The following LPCAT2 variants were observed in gnomAD, a reference collection of about 807,000 sequenced individuals.
LPCAT2 encodes the protein 1-AGP acyltransferase 11.
In LPCAT2, 58 loss-of-function variants were observed where a neutral mutation model predicts 64.7. The observed-to-expected ratio is 0.90, with a 90% CI of 0.73 to 1.12. LPCAT2 has a LOEUF of 1.12. Ranked by LOEUF, LPCAT2 falls within the 50% of genes most tolerant of loss-of-function variation. LPCAT2 has a pLI of 0.00. For missense variants in LPCAT2, 579 were observed against 669.8 expected, an observed-to-expected ratio of 0.86 and a Z score of 1.50; for synonymous variants, 252 against 245.3, an observed-to-expected ratio of 1.03 and a Z score of -0.26.
In LPCAT2 at chr16:55,575,536, C is replaced by T. The variant is rs528488849; in HGVS notation, c.1314+807C>T. The stretch of plus-strand genomic sequence containing the variant: ...TATATTGGCTCTTGTTGTACAGCCA[C>T]GTAGTTTCCTTGCTTTTGTCCAGCA... On this transcript the variant is annotated intron_variant, in intron 12 of 13. Coordinates refer to ENST00000262134, the MANE Select transcript of LPCAT2 (RefSeq NM_017839.5). Among the ~76,000 whole-genome samples, 12 of 152,238 alleles carry T rather than the reference C, an allele frequency of 7.9e-5. No homozygotes were observed. The South Asian group carries it at 2.1e-3, about 26-fold the overall frequency.
chr16:55,530,922 T>C (rs1369660702), intron 4 of LPCAT2, among the ~76,000 whole-genome samples: 1 of 152,162 alleles, frequency 6.6e-6, no homozygotes, highest in Admixed American at 6.5e-5. Context: ...ACCACTATTG[T>C]AGAAAGAAAT....
At chr16:55,554,985 C>G (rs1049623394) in intron 11 of LPCAT2, among the ~76,000 whole-genome samples, 1 of 152,062 alleles carries the variant, frequency 6.6e-6, no homozygotes, top group East Asian at 1.9e-4. Flanking sequence ...GTTTGTAGTG[C>G]TCCAAAACAA....
intron 2 of LPCAT2, among the ~76,000 whole-genome samples, chr16:55,526,699 C>G (rs976024164): frequency 1.3e-5 from 2 of 152,044 alleles, no homozygotes; most frequent in Non-Finnish European, 2.9e-5. Context: ...GTTTTTATGA[C>G]TCACCAATTC....
intron 4 of LPCAT2, 128 bp from the exon 5 acceptor site, chr16:55,531,786 A>G (rs1329035574): frequency 4.6e-6 from 3 of 647,128 alleles, no homozygotes; most frequent in East Asian, 2.8e-5. Context: ...ATTAGAATCA[A>G]ATGTTAGCCT....
chr16:55,528,894 G>T (rs1963213082), intron 3 of LPCAT2, among the ~76,000 whole-genome samples: 1 of 152,116 alleles, frequency 6.6e-6, no homozygotes, highest in Admixed American at 6.6e-5. Context: ...TGATTTGAGA[G>T]AATTTAATCC....
chr16:55,531,937 T>C lies in LPCAT2; in HGVS notation c.666T>C (p.Thr222=), dbSNP rs1963259370. 1 of 1,591,692 alleles carries C rather than the reference T, an allele frequency of 6.3e-7. No individual in the cohort carries two copies. Among genetic ancestry groups the C allele is most frequent in the Non-Finnish European group, 8.6e-7 (1 of 1,160,360 alleles). The change falls in exon 5 of 14, where the codon ACT becomes ACC. Residue 222 remains threonine, a synonymous_variant. Coordinates refer to ENST00000262134, the MANE Select transcript of LPCAT2 (RefSeq NM_017839.5). The part of the protein sequence containing the change: ...WPQILVFPEG[T]CTNRSCLITF... ...AGATACTAGTTTTCCCAGAAGGTAC[T>C]TGTACTAATCGTTCCTGTTTGATTA...
chr16:55,572,148 A>G (rs1963777271), intron 11 of LPCAT2, among the ~76,000 whole-genome samples: 1 of 152,204 alleles, frequency 6.6e-6, no homozygotes, highest in Non-Finnish European at 1.5e-5. Context: ...TTAGGGGTCC[A>G]GAATGTTACC....
Position 55,583,177 on chromosome 16 carries a change from T to C in LPCAT2, c.*79T>C. The C allele has an allele frequency of 9.5e-7, 1 of 1,049,414 alleles. No homozygotes were observed. The highest frequency in any genetic ancestry group is 1.4e-6 in the Non-Finnish European group (1 of 734,964). The allele number at this position is 1,049,414 out of a possible 1,614,324, so 65.0% of individuals were successfully genotyped here. On this transcript the variant is annotated 3_prime_UTR_variant, in exon 14 of 14. Coordinates refer to ENST00000262134, the MANE Select transcript of LPCAT2 (RefSeq NM_017839.5). ...GCACTTATTGATAATACTTTTAATG[T>C]GTTGGTAATGATGTTTAAAATTGAA...
chr16:55,544,234 T>G (rs1211286041), intron 8 of LPCAT2, among the ~76,000 whole-genome samples: 2 of 44,864 alleles, frequency 4.5e-5, no homozygotes, highest in Non-Finnish European at 1.3e-4. Context: ...ACAGGTCCAT[T>G]TGGAAAAAAA....
At chr16:55,551,908 A>T (rs1407958673) in intron 11 of LPCAT2, among the ~76,000 whole-genome samples, 2 of 152,162 alleles carry the variant, frequency 1.3e-5, no homozygotes, top group Non-Finnish European at 2.9e-5. Flanking sequence ...AGATCATGCC[A>T]CTGCATTCCA....
At chr16:55,509,400 G>T (rs1962890984) in intron 1 of LPCAT2, 48 bp downstream of exon 1, 1 of 1,256,246 alleles carries the variant, frequency 8.0e-7, no homozygotes. Flanking sequence ...GGGGGCCTAG[G>T]TCAGAGGGGG....
intron 1 of LPCAT2, among the ~76,000 whole-genome samples, chr16:55,522,451 CA>C (rs1963110561): frequency 6.6e-6 from 1 of 151,660 alleles, no homozygotes; most frequent in African/African-American, 2.4e-5. Flanking sequence ...AAAATCCTAA[CA>C]GGTTTTTGTG....
chr16:55,537,741 C>A, intron 8 of LPCAT2, 109 bp downstream of exon 8: 2 of 865,070 alleles, frequency 2.3e-6, no homozygotes, highest in South Asian at 1.6e-5. Context: ...AGGTGTTTTA[C>A]AAATTGTGTA....
intron 11 of LPCAT2, 118 bp downstream of exon 11, chr16:55,551,220 C>T: frequency 1.2e-6 from 1 of 860,356 alleles, no homozygotes; most frequent in Non-Finnish European, 1.6e-6. Flanking sequence ...AAGGCTGAGC[C>T]TATGGTTTAA....
At chr16:55,562,596 T>A (rs1963648471) in intron 11 of LPCAT2, among the ~76,000 whole-genome samples, 1 of 151,940 alleles carries the variant, frequency 6.6e-6, no homozygotes, top group African/African-American at 2.4e-5. Flanking sequence ...AACACAGACT[T>A]CATATTATAA....
chr16:55,553,986 C>CT (rs1963547096), intron 11 of LPCAT2, among the ~76,000 whole-genome samples: 1 of 152,270 alleles, frequency 6.6e-6, no homozygotes, highest in Admixed American at 6.5e-5. Context: ...TGAAAGGAAT[C>CT]TTTTTTTCCT....
intron 11 of LPCAT2, chr16:55,557,111 A>G (rs756933090): frequency 1.3e-4 from 20 of 152,182 alleles, no homozygotes; most frequent in Admixed American, 3.3e-4. Context: ...TTAGATATAA[A>G]CCGTAACTGT....
rs140109507 is a variant in LPCAT2 at position 55,567,280 on chromosome 16, G to A, written c.1216-7351G>A. 1.0e-4 allele frequency: 163 copies of A among 1,613,620 alleles called. No homozygotes were observed. In the African/African-American group the frequency reaches 2.1e-3, roughly 20 times the overall value. On this transcript the variant is annotated intron_variant, in intron 11 of 13. Transcript: ENST00000262134. ...GGGTCTCTGGGAAGTTCTCAGCTGC[G>A]GGGAGCTCTGCAGGCCGCAGGCTTC... is the stretch of plus-strand genomic sequence containing the variant.
rs1340794478 is a variant in LPCAT2 at position 55,537,567 on chromosome 16, T to C, written c.798-11T>C. On this transcript the variant is annotated splice_polypyrimidine_tract_variant and intron_variant, in intron 7 of 13. Coordinates refer to ENST00000262134, the MANE Select transcript of LPCAT2 (RefSeq NM_017839.5). The stretch of plus-strand genomic sequence containing the variant: ...ACTGTATAAAGATAGACTTTTCTTT[T>C]TTCTCTTCAGCATTCAGCTTTGTAT... 6.2e-7 allele frequency: 1 copy of C among 1,610,166 alleles called. No homozygotes were observed.
Sources: allele counts gnomAD v4.1 joint callset (sites outside exome capture counted in the v4.1 genomes callset), GRCh38; gene constraint gnomAD v4.1.1; transcripts MANE v1.5; gene names NCBI Gene and HGNC (gene_info 2026-07-23, HGNC 2026-07-21).